Variants in ASIC2 observed in about 807,000 individuals in gnomAD.
ASIC2 encodes the protein acid-sensing ion channel 2.
A neutral mutation model predicts 57.3 loss-of-function variants in ASIC2; 25 were observed. That is an observed-to-expected ratio of 0.44 (90% CI 0.32 to 0.61). The LOEUF (loss-of-function observed/expected upper bound fraction) is 0.61, where lower values mean the gene tolerates loss of function less well. Among genes scored for constraint, ASIC2 ranks in the 20% least tolerant of loss-of-function variants. The pLI, the probability that ASIC2 is intolerant of heterozygous loss-of-function variation, is 0.06. For synonymous variants in ASIC2, 319 were observed against 307.5 expected (o/e 1.04, Z -0.39); for missense variants, 641 against 738.1 (o/e 0.87, Z 1.52).
chr17:33,555,105 C>T (rs776657970), intron 1 of ASIC2, among the ~76,000 whole-genome samples: 17 of 152,186 alleles, frequency 1.1e-4, no homozygotes, highest in Non-Finnish European at 1.8e-4. Flanking sequence ...CTCCATGTCT[C>T]TTCCGGGTTT....
chr17:33,975,343 G>T (rs1378460252), intron 1 of ASIC2, among the ~76,000 whole-genome samples: 3 of 152,110 alleles, frequency 2.0e-5, no homozygotes, highest in Non-Finnish European at 4.4e-5. Context: ...TCTTCCAGGG[G>T]AAGATGGCTC....
At chr17:33,230,768 A>G (rs1018046037) in intron 1 of ASIC2, among the ~76,000 whole-genome samples, 1 of 152,156 alleles carries the variant, frequency 6.6e-6, no homozygotes, top group Non-Finnish European at 1.5e-5. Context: ...AAAGCCCATG[A>G]GAAGATGAGG....
At chr17:33,113,729 C>G (rs889527910) in intron 1 of ASIC2, among the ~76,000 whole-genome samples, 8 of 152,234 alleles carry the variant, frequency 5.3e-5, no homozygotes, top group African/African-American at 1.4e-4. Flanking sequence ...TTAACTCTTA[C>G]AACTGTGACC....
chr17:33,328,928 C>T (rs1031733152), intron 1 of ASIC2, among the ~76,000 whole-genome samples: 3 of 152,198 alleles, frequency 2.0e-5, no homozygotes, highest in Non-Finnish European at 2.9e-5. Flanking sequence ...TTTTCAAACA[C>T]CTTTCTCCTC....
intron 1 of ASIC2, among the ~76,000 whole-genome samples, chr17:33,521,278 T>C (rs543500865): frequency 6.1e-4 from 93 of 152,152 alleles, no homozygotes; most frequent in African/African-American, 1.7e-3. Flanking sequence ...AGGATGCAAA[T>C]TAGCTGAAAT....
At chr17:33,900,637 T>A (rs1372542666) in intron 1 of ASIC2, among the ~76,000 whole-genome samples, 1 of 152,154 alleles carries the variant, frequency 6.6e-6, no homozygotes, top group Non-Finnish European at 1.5e-5. Flanking sequence ...ATGCTTAGTC[T>A]ATTTTAATAC....
chr17:34,122,841 A>G (rs1911666357), intron 1 of ASIC2, among the ~76,000 whole-genome samples: 1 of 152,222 alleles, frequency 6.6e-6, no homozygotes, highest in Non-Finnish European at 1.5e-5. Flanking sequence ...CACCACCCTG[A>G]CAAATCAATA....
At chr17:33,506,461 G>A (rs970247182) in intron 1 of ASIC2, among the ~76,000 whole-genome samples, 4 of 151,794 alleles carry the variant, frequency 2.6e-5, no homozygotes, top group Admixed American at 6.6e-5. Flanking sequence ...TAGGGTGTGT[G>A]AGTGTGTATG....
chr17:33,967,423 C>T (rs559406276), intron 1 of ASIC2, among the ~76,000 whole-genome samples: 54 of 152,238 alleles, frequency 3.5e-4, no homozygotes, highest in African/African-American at 9.6e-4. Context: ...TTTTGAAAGA[C>T]GTGGTTTCTC....
intron 1 of ASIC2, among the ~76,000 whole-genome samples, chr17:33,782,391 A>G (rs920413921): frequency 6.8e-6 from 1 of 147,272 alleles, no homozygotes; most frequent in African/African-American, 2.5e-5. Flanking sequence ...CTCAATTTCC[A>G]TTTGTTAAAA....
rs896150217 is a variant in ASIC2, at chr17:33,407,493, A to G, written c.556-295426T>C. Among the ~76,000 whole-genome samples, 6 of 152,292 alleles carry G rather than the reference A, an allele frequency of 3.9e-5. 1 individual carries two copies. Among genetic ancestry groups the G allele is most frequent in the Admixed American group, 3.9e-4 (6 of 15,300 alleles). On this transcript the variant is annotated intron_variant, in intron 1 of 9. Coordinates refer to the ASIC2 transcript ENST00000359872. The stretch of plus-strand genomic sequence containing the variant: ...ATATTTTCTTCCCATCCCCAGAACC[A>G]TCCTCCTGATACTCCCATAATGCAT...
rs962558479 is a variant in ASIC2, at chr17:33,292,144, C to T, written c.-29G>A. 4.9e-6 allele frequency: 5 copies of T among 1,030,320 alleles called. No individual in the cohort carries two copies. Among genetic ancestry groups the T allele is most frequent in the Middle Eastern group, 4.6e-4 (1 of 2,158 alleles). 63.8% of individuals were successfully genotyped at this position (1,030,320 alleles called of 1,614,324 possible). ...TTCAGCCCGCGGCTGGCGGCAGCGG[C>T]GGCGGCCCCGGCCGGGCGGAGCCGC... On this transcript the variant is annotated 5_prime_UTR_variant, in exon 1 of 10. Coordinates refer to ENST00000225823, the MANE Select transcript of ASIC2 (RefSeq NM_183377.2).
At chr17:33,777,262 G>A (rs1388166) in intron 1 of ASIC2, among the ~76,000 whole-genome samples, 11,381 of 152,234 alleles carry the variant, frequency 0.075, 487 homozygotes, top group East Asian at 0.22. Flanking sequence ...TGCCTGAATC[G>A]TTAAATGAAT....
intron 1 of ASIC2, among the ~76,000 whole-genome samples, chr17:33,165,541 T>C (rs1905280446): frequency 3.9e-5 from 6 of 152,006 alleles, no homozygotes; most frequent in Non-Finnish European, 8.8e-5. Context: ...AAAGATTTGT[T>C]GAGAGGGGGT....
chr17:33,351,169 A>G (rs1412380635), intron 1 of ASIC2, among the ~76,000 whole-genome samples: 1 of 152,198 alleles, frequency 6.6e-6, no homozygotes, highest in African/African-American at 2.4e-5. Flanking sequence ...TGAGGATAAT[A>G]CTAAGATCTA....
intron 1 of ASIC2, among the ~76,000 whole-genome samples, chr17:33,574,618 C>A (rs1342304298): frequency 6.6e-6 from 1 of 152,188 alleles, no homozygotes; most frequent in Non-Finnish European, 1.5e-5. Context: ...CAAATGTCCC[C>A]TGGGGAGTAA....
chr17:33,209,292 C>T (rs1441768072), intron 1 of ASIC2, among the ~76,000 whole-genome samples: 4 of 152,152 alleles, frequency 2.6e-5, no homozygotes, highest in Non-Finnish European at 4.4e-5. Flanking sequence ...ATAAGTTGTT[C>T]CAGTTTTGTT....
At chr17:33,799,407 C>A (rs866365892) in intron 1 of ASIC2, among the ~76,000 whole-genome samples, 1 of 48,792 alleles carries the variant, frequency 2.0e-5, no homozygotes, top group Non-Finnish European at 4.4e-5. Flanking sequence ...TCTTTCTTTT[C>A]TTTCTTTCTT....
intron 1 of ASIC2, among the ~76,000 whole-genome samples, chr17:33,158,562 T>C (rs970604424): frequency 1.3e-5 from 2 of 152,230 alleles, no homozygotes; most frequent in African/African-American, 4.8e-5. Flanking sequence ...TCCTCTGTCC[T>C]TTTAGGAGAG....
Sources: gnomAD v4.1 joint callset for allele counts (sites outside exome capture counted in the v4.1 genomes callset) on GRCh38, gnomAD v4.1.1 for gene constraint, MANE v1.5 for transcripts, NCBI Gene and HGNC (gene_info 2026-07-23, HGNC 2026-07-21) for gene names.